The following PLEKHA5 variants were observed in gnomAD, a reference collection of about 807,000 sequenced individuals.
PLEKHA5 encodes the protein pleckstrin homology domain containing A5.
PLEKHA5 carries 55 observed loss-of-function variants against 181.9 expected under a neutral mutation model. The ratio of observed to expected loss-of-function variants is 0.30; its 90% CI spans 0.24 to 0.38. The LOEUF is 0.38. Ranked by LOEUF, PLEKHA5 falls within the 10% of genes least tolerant of loss-of-function variation. The pLI is 1.00. For synonymous variants in PLEKHA5, 535 were observed against 529.4 expected (o/e 1.01, Z -0.15); for missense variants, 1,432 against 1,549.5 (o/e 0.92, Z 1.27).
intron 8 of PLEKHA5, among the ~76,000 whole-genome samples, chr12:19,267,789 C>T (rs2071021489): frequency 6.6e-6 from 1 of 151,838 alleles, no homozygotes. Flanking sequence ...CATGGAAAAA[C>T]CCTGTCTCTA....
intron 21 of PLEKHA5, 66 bp from the exon 22 acceptor site, chr12:19,343,257 T>C (rs774551527): frequency 2.4e-6 from 2 of 817,828 alleles, no homozygotes; most frequent in Admixed American, 5.0e-5. Flanking sequence ...ATAATTAATA[T>C]ATAATCATTT....
intron 3 of PLEKHA5, among the ~76,000 whole-genome samples, chr12:19,218,905 TA>T (rs10556119): frequency 0.19 from 12,435 of 66,394 alleles, 920 homozygotes; most frequent in Admixed American, 0.31. Context: ...TTATTATTAT[TA>T]TTTTTTTTTT....
intron 3 of PLEKHA5, among the ~76,000 whole-genome samples, chr12:19,171,260 G>A (rs1201472186): frequency 6.6e-6 from 1 of 152,108 alleles, no homozygotes; most frequent in Admixed American, 6.6e-5. Flanking sequence ...TACATTCTGT[G>A]ACAAGACTTT....
intron 3 of PLEKHA5, among the ~76,000 whole-genome samples, chr12:19,191,702 C>G (rs2051165354): frequency 6.6e-6 from 1 of 152,284 alleles, no homozygotes; most frequent in East Asian, 1.9e-4. Flanking sequence ...TTGGGTAGTT[C>G]TGGCTCAGGT....
intron 3 of PLEKHA5, among the ~76,000 whole-genome samples, chr12:19,186,487 A>G (rs1031265840): frequency 1.3e-5 from 2 of 152,214 alleles, no homozygotes; most frequent in Non-Finnish European, 2.9e-5. Context: ...GGATGGTAAT[A>G]ACGTGAATAA....
intron 26 of PLEKHA5, among the ~76,000 whole-genome samples, chr12:19,356,474 A>C (rs775545491): frequency 6.6e-6 from 1 of 152,010 alleles, no homozygotes; most frequent in Non-Finnish European, 1.5e-5. Context: ...TGATTGCTCC[A>C]CTGCACCCCA....
intron 3 of PLEKHA5, among the ~76,000 whole-genome samples, chr12:19,164,505 A>AT (rs966398819): frequency 9.2e-5 from 14 of 152,108 alleles, no homozygotes; most frequent in Non-Finnish European, 1.5e-4. Context: ...TTTCCAGATT[A>AT]TTTTTTTAAT....
intron 3 of PLEKHA5, among the ~76,000 whole-genome samples, chr12:19,244,528 C>T (rs769765649): frequency 6.6e-6 from 1 of 152,194 alleles, no homozygotes; most frequent in Non-Finnish European, 1.5e-5. Flanking sequence ...ATGATACTGG[C>T]CTTTGTTGCC....
At chr12:19,371,127 C>T (rs1181123495) in intron 31 of PLEKHA5, 1 of 152,360 alleles carries the variant, frequency 6.6e-6, no homozygotes, top group African/African-American at 2.4e-5. Flanking sequence ...ATCCTCCCAC[C>T]TCAGCCCCCT....
chr12:19,250,294 C>A (rs182576313), intron 3 of PLEKHA5, among the ~76,000 whole-genome samples: 244 of 152,238 alleles, frequency 1.6e-3, no homozygotes, highest in Admixed American at 3.1e-3. Context: ...TATATCAAGA[C>A]CTGAATTTGG....
At chr12:19,287,051 G>A (rs914792158) in intron 12 of PLEKHA5, among the ~76,000 whole-genome samples, 68 of 152,086 alleles carry the variant, frequency 4.5e-4, no homozygotes, top group Admixed American at 3.9e-3. Context: ...AGGCTGGAGT[G>A]CAGTGGTGCT....
intron 15 of PLEKHA5, chr12:19,306,693 T>A: frequency 2.0e-6 from 3 of 1,471,764 alleles, no homozygotes; most frequent in Non-Finnish European, 1.9e-6. Flanking sequence ...AGATGCGGAC[T>A]CTCTTCGGTT....
At chr12:19,370,053 T>C (rs1217978823) in intron 31 of PLEKHA5, among the ~76,000 whole-genome samples, 1 of 152,252 alleles carries the variant, frequency 6.6e-6, no homozygotes, top group Non-Finnish European at 1.5e-5. Context: ...TTGGAGGGTA[T>C]GGCCTGTGCC....
chr12:19,307,130 C>G lies in PLEKHA5; in HGVS notation c.2038-7684C>G. 3 of 860,264 alleles carry G rather than the reference C, an allele frequency of 3.5e-6. No individual in the cohort carries two copies. The South Asian group carries it at 4.0e-5, about 12-fold the overall frequency. 53.3% of individuals were successfully genotyped at this position (860,264 alleles called of 1,614,324 possible). On this transcript the variant is annotated intron_variant, in intron 15 of 31. Coordinates refer to ENST00000429027, the MANE Select transcript of PLEKHA5 (RefSeq NM_001256470.2). Reference sequence around the variant, plus strand: ...GTTGGTCCCAAGTTGAAGCATGTAGCTGCTGGTCTTGTTTCACCAAGTCTG... The same window carrying G: ...GTTGGTCCCAAGTTGAAGCATGTAGGTGCTGGTCTTGTTTCACCAAGTCTG...
At chr12:19,335,083 G>A (rs900668864) in intron 20 of PLEKHA5, among the ~76,000 whole-genome samples, 9 of 137,894 alleles carry the variant, frequency 6.5e-5, no homozygotes, top group African/African-American at 2.4e-4. Context: ...AGGCTGGAGT[G>A]CAGTAGCACA....
At chr12:19,353,462 CT>C (rs1401539248) in intron 25 of PLEKHA5, among the ~76,000 whole-genome samples, 8 of 147,108 alleles carry the variant, frequency 5.4e-5, no homozygotes, top group Admixed American at 6.8e-5. Context: ...CAGCCTGACT[CT>C]TTTTTTTTTA....
intron 20 of PLEKHA5, among the ~76,000 whole-genome samples, chr12:19,329,570 A>G (rs2092641136): frequency 6.6e-6 from 1 of 152,090 alleles, no homozygotes; most frequent in African/African-American, 2.4e-5. Context: ...GGGAGATTGT[A>G]TATTTCCAGG....
chr12:19,233,935 G>A lies in PLEKHA5; in HGVS notation c.228-20005G>A, dbSNP rs188311375. ...TCACGAAGTAGTGGAGCATTGATCC[G>A]CAGTCTACCTCAGCTTCTTTTCCTA... On this transcript the variant is annotated intron_variant, in intron 3 of 31. Transcript: ENST00000429027. Among the ~76,000 whole-genome samples, 75 of 152,274 alleles carry A rather than the reference G, an allele frequency of 4.9e-4. 1 individual carries two copies. Among genetic ancestry groups the A allele is most frequent in the Middle Eastern group, 3.4e-3 (1 of 294 alleles).
chr12:19,313,185 G>A (rs1023311228), intron 15 of PLEKHA5, among the ~76,000 whole-genome samples: 2 of 152,034 alleles, frequency 1.3e-5, no homozygotes, highest in African/African-American at 4.8e-5. Context: ...GACCAGCCTG[G>A]GCAACATAAT....
Sources: gnomAD v4.1 joint callset for allele counts (sites outside exome capture counted in the v4.1 genomes callset) on GRCh38, gnomAD v4.1.1 for gene constraint, MANE v1.5 for transcripts, NCBI Gene and HGNC (gene_info 2026-07-23, HGNC 2026-07-21) for gene names.